Variants in PABPC4L observed in about 807,000 individuals in gnomAD.
The protein encoded by PABPC4L is poly(A) binding protein cytoplasmic 4 like.
For missense variants in PABPC4L, 452 were observed against 451.4 expected (o/e 1.00, Z -0.01); for synonymous variants, 169 against 164.1 (o/e 1.03, Z -0.23).
At position 134,200,204 on chromosome 4, in the gene PABPC4L, C is replaced by G. The variant is rs1475076650; in HGVS notation, c.816G>C (p.Gln272His). The change falls in exon 2 of 2, where the codon CAG (glutamine) becomes CAC (histidine). Residue 272 changes from glutamine to histidine, a missense_variant. Physicochemically the swap from Gln to His is conservative, Grantham distance 24 (BLOSUM62 0). Coordinates refer to ENST00000421491, the MANE Select transcript of PABPC4L (RefSeq NM_001114734.2). ...VGRAQKKVER[Q>H]AELKQMFEQL... ...GCTCAAACATTTGCTTTAACTCAGC[C>G]TGTCGCTCGACTTTCTTTTGAGCCC... The G allele has an allele frequency of 6.4e-7, 1 of 1,551,656 alleles. No individual in the cohort carries two copies. Among genetic ancestry groups the G allele is most frequent in the Admixed American group, 2.0e-5 (1 of 51,012 alleles).
rs1729790529 is a variant in PABPC4L at position 134,199,921 on chromosome 4, C to A, written c.1099G>T (p.Ala367Ser). 1 of 1,551,482 alleles carries A rather than the reference C, an allele frequency of 6.4e-7. No homozygotes were observed. Among genetic ancestry groups the A allele is most frequent in the Non-Finnish European group, 8.7e-7 (1 of 1,146,934 alleles). ...LGSKPLSIAL[A>S]QRH ...GTTTTTCTTTCCTAGTGTCTCTGGG[C>A]CAAGGCAATGCTAAGAGGTTTGGAG... Residue 367 changes from alanine (A) to serine (S), a missense_variant, in exon 2 of 2, where the codon GCC (alanine) becomes TCC (serine). By Grantham distance (99) the Ala-to-Ser change is moderately conservative. Coordinates refer to ENST00000421491, the MANE Select transcript of PABPC4L (RefSeq NM_001114734.2).
chr4:134,068,777 C>T, the PABPC4L span, among the ~76,000 whole-genome samples: 4 of 151,186 alleles, frequency 2.6e-5, no homozygotes, highest in Non-Finnish European at 2.9e-5. Flanking sequence ...GGTGCAGTCT[C>T]GTCTCACTGC....
At chr4:134,079,157 AGACG>A in the PABPC4L span, among the ~76,000 whole-genome samples, 1 of 150,970 alleles carries the variant, frequency 6.6e-6, no homozygotes, top group African/African-American at 2.4e-5. Flanking sequence ...TTTTTAGTAG[AGACG>A]GTGTTTCACC....
the PABPC4L span, among the ~76,000 whole-genome samples, chr4:134,109,417 G>GA: frequency 6.6e-6 from 1 of 151,236 alleles, no homozygotes; most frequent in Non-Finnish European, 1.5e-5. Context: ...AATTGTGGAA[G>GA]AAAAAAATGA....
At chr4:134,138,516 G>A in the PABPC4L span, among the ~76,000 whole-genome samples, 1 of 151,640 alleles carries the variant, frequency 6.6e-6, no homozygotes, top group Non-Finnish European at 1.5e-5. Flanking sequence ...TTTTAGTATA[G>A]GTGAAGCATT....
the PABPC4L span, among the ~76,000 whole-genome samples, chr4:134,060,578 T>C: frequency 2.0e-5 from 3 of 151,700 alleles, no homozygotes; most frequent in Admixed American, 2.0e-4. Flanking sequence ...CAAGATAACA[T>C]TTCTAGGCAT....
the PABPC4L span, among the ~76,000 whole-genome samples, chr4:134,188,734 T>G: frequency 1.4e-4 from 21 of 152,170 alleles, no homozygotes; most frequent in Admixed American, 9.8e-4. Context: ...AAACTTTATA[T>G]TTGTCTTTAT....
chr4:134,124,383 A>G, the PABPC4L span, among the ~76,000 whole-genome samples: 1 of 151,992 alleles, frequency 6.6e-6, no homozygotes, highest in Admixed American at 6.6e-5. Context: ...TCACTTACCA[A>G]TTGGAGCTTG....
At chr4:134,176,354 T>G in the PABPC4L span, among the ~76,000 whole-genome samples, 1 of 152,128 alleles carries the variant, frequency 6.6e-6, no homozygotes, top group African/African-American at 2.4e-5. Context: ...GGTTGTTGTG[T>G]TAAAGTAAAT....
chr4:134,161,225 A>C, the PABPC4L span, among the ~76,000 whole-genome samples: 8 of 152,046 alleles, frequency 5.3e-5, no homozygotes, highest in East Asian at 1.6e-3. Flanking sequence ...TGCAGGCTAC[A>C]TGGAAATACA....
chr4:133,949,993 TC>T, the PABPC4L span, among the ~76,000 whole-genome samples: 6 of 152,174 alleles, frequency 3.9e-5, no homozygotes, highest in Admixed American at 3.9e-4. Flanking sequence ...AGACATTTTG[TC>T]CAAGGCATTT....
chr4:134,142,981 CTCTT>C, the PABPC4L span, among the ~76,000 whole-genome samples: 1 of 151,474 alleles, frequency 6.6e-6, no homozygotes, highest in Non-Finnish European at 1.5e-5. Flanking sequence ...CAGTGGCTCT[CTCTT>C]TATCAATTTG....
the PABPC4L span, among the ~76,000 whole-genome samples, chr4:133,989,356 C>T: frequency 6.6e-6 from 1 of 152,240 alleles, no homozygotes; most frequent in African/African-American, 2.4e-5. Flanking sequence ...ATTTCTTCCA[C>T]CACATACTCT....
the PABPC4L span, among the ~76,000 whole-genome samples, chr4:134,165,422 T>C: frequency 5.3e-5 from 8 of 152,076 alleles, no homozygotes; most frequent in African/African-American, 1.9e-4. Context: ...ATAAGGAGCT[T>C]AAATCAGCAA....
the PABPC4L span, among the ~76,000 whole-genome samples, chr4:134,171,078 TC>T: frequency 1.3e-5 from 2 of 152,102 alleles, no homozygotes; most frequent in Admixed American, 1.3e-4. Flanking sequence ...CATTTGCATT[TC>T]TACTAATGAT....
At chr4:133,984,558 C>T in the PABPC4L span, among the ~76,000 whole-genome samples, 40 of 151,824 alleles carry the variant, frequency 2.6e-4, no homozygotes, top group Admixed American at 2.0e-4. Flanking sequence ...AATATATTTA[C>T]ACTATCTCTG....
the PABPC4L span, among the ~76,000 whole-genome samples, chr4:134,046,130 C>A: frequency 2.6e-5 from 4 of 152,080 alleles, no homozygotes; most frequent in South Asian, 2.1e-4. Context: ...GGAGGACCAG[C>A]ACTGGCACCA....
the PABPC4L span, among the ~76,000 whole-genome samples, chr4:134,004,440 G>A: frequency 6.6e-6 from 1 of 151,776 alleles, no homozygotes; most frequent in African/African-American, 2.4e-5. Flanking sequence ...ATCACAAGGT[G>A]ATATAATTTC....
chr4:134,137,400 A>T, the PABPC4L span, among the ~76,000 whole-genome samples: 1 of 151,886 alleles, frequency 6.6e-6, no homozygotes, highest in Admixed American at 6.6e-5. Flanking sequence ...AGTATAAGAG[A>T]TTAGAATATT....
Sources: gnomAD v4.1 joint callset for allele counts (sites outside exome capture counted in the v4.1 genomes callset) on GRCh38, gnomAD v4.1.1 for gene constraint, MANE v1.5 for transcripts, NCBI Gene and HGNC (gene_info 2026-07-23, HGNC 2026-07-21) for gene names.